Variants in ROBO2 observed in about 807,000 individuals in gnomAD.
ROBO2 encodes roundabout homolog 2.
A neutral mutation model predicts 160.8 loss-of-function variants in ROBO2; 53 were observed. The ratio of observed to expected loss-of-function variants is 0.33; its 90% confidence interval spans 0.26 to 0.41. The LOEUF (loss-of-function observed/expected upper bound fraction) is 0.41, where lower values mean the gene tolerates loss of function less well. ROBO2 is among the 10% of genes least tolerant of loss of function. The pLI is 1.00. For synonymous variants in ROBO2, 664 were observed against 611.7 expected, an observed-to-expected ratio of 1.09 and a Z score of -1.26; for missense variants, 1,577 against 1,722.4, an observed-to-expected ratio of 0.92 and a Z score of 1.49.
chr3:76,603,341 A>ATAT (rs1426046429), intron 2 of ROBO2, among the ~76,000 whole-genome samples: 14 of 55,412 alleles, frequency 2.5e-4, no homozygotes, highest in Non-Finnish European at 3.5e-4. Context: ...CCAAAAAAAA[A>ATAT]AAAAAAAAAA....
At chr3:76,491,993 G>A (rs879660616) in intron 2 of ROBO2, among the ~76,000 whole-genome samples, 2 of 152,150 alleles carry the variant, frequency 1.3e-5, no homozygotes, top group Non-Finnish European at 2.9e-5. Context: ...GTGTGTGCCT[G>A]TAGTCCCAGC....
chr3:77,105,299 A>G (rs542395664), intron 2 of ROBO2, among the ~76,000 whole-genome samples: 8 of 152,300 alleles, frequency 5.3e-5, no homozygotes, highest in African/African-American at 1.9e-4. Flanking sequence ...GACTGGAACT[A>G]ATATTTACAG....
At chr3:76,467,562 A>G (rs1399457442) in intron 2 of ROBO2, among the ~76,000 whole-genome samples, 1 of 152,128 alleles carries the variant, frequency 6.6e-6, no homozygotes, top group African/African-American at 2.4e-5. Context: ...CACATGTGCC[A>G]TTTCTGAGCC....
chr3:77,101,550 ATGTG>A (rs2071933301), intron 2 of ROBO2, among the ~76,000 whole-genome samples: 1 of 152,118 alleles, frequency 6.6e-6, no homozygotes, highest in Admixed American at 6.6e-5. Flanking sequence ...ATAGAAGTAG[ATGTG>A]ATTTCCAGGC....
At chr3:76,316,361 A>G (rs905428549) in intron 2 of ROBO2, among the ~76,000 whole-genome samples, 3 of 152,134 alleles carry the variant, frequency 2.0e-5, no homozygotes, top group Non-Finnish European at 4.4e-5. Flanking sequence ...GGGTCTTAAT[A>G]TTTAATAATC....
intron 2 of ROBO2, among the ~76,000 whole-genome samples, chr3:76,666,790 AAATT>A (rs1159564600): frequency 1.3e-5 from 2 of 152,148 alleles, no homozygotes; most frequent in African/African-American, 4.8e-5. Context: ...CACCTTTGGA[AAATT>A]AATTCTGTTA....
chr3:76,999,643 G>T (rs558511106), intron 2 of ROBO2, among the ~76,000 whole-genome samples: 12 of 152,052 alleles, frequency 7.9e-5, no homozygotes, highest in South Asian at 6.2e-4. Flanking sequence ...ATACAGAAAA[G>T]ACCCACAATT....
intron 2 of ROBO2, among the ~76,000 whole-genome samples, chr3:76,581,194 A>G (rs1476784349): frequency 6.6e-6 from 1 of 152,194 alleles, no homozygotes; most frequent in Non-Finnish European, 1.5e-5. Context: ...TACAGATTTG[A>G]GTGCTGATTT....
chr3:76,260,193 A>G (rs2324493), intron 2 of ROBO2, among the ~76,000 whole-genome samples: 108,039 of 152,062 alleles, frequency 0.71, 42,005 homozygotes, highest in Non-Finnish European at 0.89. Flanking sequence ...CAGTGCTGAT[A>G]TGCGAGAGCC....
intron 2 of ROBO2, among the ~76,000 whole-genome samples, chr3:76,061,117 T>C (rs900383820): frequency 2.0e-5 from 3 of 152,234 alleles, no homozygotes; most frequent in African/African-American, 7.2e-5. Flanking sequence ...AAAAAATCAA[T>C]GTCAAGGTGA....
chr3:75,937,580 T>A (rs1300944060), exon 2 of ROBO2: 7 of 1,561,662 alleles, frequency 4.5e-6, no homozygotes, highest in Non-Finnish European at 6.0e-6. Flanking sequence ...TTTGGGGTCA[T>A]CAGGGGAATG....
chr3:77,336,514 C>T (rs889802719), intron 2 of ROBO2, among the ~76,000 whole-genome samples: 1 of 145,872 alleles, frequency 6.9e-6, no homozygotes. Flanking sequence ...CTTCCTCTTT[C>T]TTTTTTTTTT....
chr3:76,973,186 C>T (rs73104497), intron 2 of ROBO2, among the ~76,000 whole-genome samples: 1 of 152,284 alleles, frequency 6.6e-6, no homozygotes, highest in Non-Finnish European at 1.5e-5. Flanking sequence ...TCAGCTTTGG[C>T]TTCCTTTCCT....
At chr3:76,756,675 A>G (rs2060988404) in intron 2 of ROBO2, among the ~76,000 whole-genome samples, 1 of 151,822 alleles carries the variant, frequency 6.6e-6, no homozygotes, top group Non-Finnish European at 1.5e-5. Flanking sequence ...TTTTCTTAGT[A>G]TGTTTTCCTA....
intron 2 of ROBO2, among the ~76,000 whole-genome samples, chr3:76,964,012 A>C (rs1189493228): frequency 2.6e-5 from 4 of 152,170 alleles, no homozygotes; most frequent in Non-Finnish European, 4.4e-5. Context: ...AATACTAGTC[A>C]CTTCTCTCAG....
At chr3:75,948,505 A>G (rs75681502) in intron 2 of ROBO2, among the ~76,000 whole-genome samples, 2 of 152,038 alleles carry the variant, frequency 1.3e-5, no homozygotes, top group Non-Finnish European at 2.9e-5. Flanking sequence ...TTGTTCTTCA[A>G]CGTGGCCCAA....
At chr3:77,134,843 C>A (rs1346694249) in intron 2 of ROBO2, among the ~76,000 whole-genome samples, 1 of 152,174 alleles carries the variant, frequency 6.6e-6, no homozygotes, top group African/African-American at 2.4e-5. Context: ...GACTCATAAC[C>A]CTTAATAAGT....
At chr3:77,119,377 G>A (rs769858240) in intron 2 of ROBO2, among the ~76,000 whole-genome samples, 7 of 152,204 alleles carry the variant, frequency 4.6e-5, no homozygotes, top group African/African-American at 1.7e-4. Context: ...ATAACCTTAC[G>A]GGACTATAGT....
chr3:76,964,225 G>T (rs1021206746), intron 2 of ROBO2, among the ~76,000 whole-genome samples: 2 of 152,058 alleles, frequency 1.3e-5, no homozygotes, highest in African/African-American at 2.4e-5. Flanking sequence ...GATAGTACTG[G>T]GATTGGAATC....
Sources: allele counts gnomAD v4.1 joint callset (sites outside exome capture counted in the v4.1 genomes callset), GRCh38; gene constraint gnomAD v4.1.1; transcripts MANE v1.5; gene names NCBI Gene and HGNC (gene_info 2026-07-23, HGNC 2026-07-21).